The following SCG3 variants were observed in gnomAD, a reference collection of about 807,000 sequenced individuals.
The protein encoded by SCG3 is secretogranin III, also known as secretogranin-3.
In SCG3, 38 loss-of-function variants were observed where a neutral mutation model predicts 56.2. The ratio of observed to expected loss-of-function variants is 0.68; its 90% CI spans 0.52 to 0.89. The LOEUF is 0.89. SCG3 is among the 40% of genes least tolerant of loss of function. The pLI is 0.00. For missense variants in SCG3, 524 were observed against 540.7 expected (o/e 0.97, Z 0.31); for synonymous variants, 176 against 184.2 (o/e 0.96, Z 0.36).
At chr15:51,718,199 TAGACAGACAGAC>T (rs3078130) in intron 11 of SCG3, among the ~76,000 whole-genome samples, 218 of 148,998 alleles carry the variant, frequency 1.5e-3, no homozygotes, top group Admixed American at 2.7e-3. Context: ...GATAGATAGA[TAGACAGACAGAC>T]AGACAGACAG....
At chr15:51,699,173 A>C in intron 8 of SCG3, 146 bp from the exon 9 acceptor site, 1 of 641,108 alleles carries the variant, frequency 1.6e-6, no homozygotes, top group Non-Finnish European at 2.7e-6. Context: ...CTTAGAAATA[A>C]AATCCAGGTC....
chr15:51,682,480 G>A (rs769091338), intron 1 of SCG3, 37 bp from the exon 2 acceptor site: 19 of 1,141,044 alleles, frequency 1.7e-5, no homozygotes, highest in Non-Finnish European at 2.4e-5. Context: ...GTCCTTCAAC[G>A]CACAATTAAA....
In SCG3 at chr15:51,683,326, T is replaced by C. The variant is rs1567215110; in HGVS notation, c.289T>C (p.Ser97Pro). ...GAAAGAAAGACAATCTATAAGAAGC[T>C]CCCCACTTGATAATAAGTTGAATGT... ...IEKERQSIRS[S>P]PLDNKLNVED... The change falls in exon 4 of 12, where the codon TCC becomes CCC. Residue 97 changes from serine (S) to proline (P), a missense_variant. Ser to Pro is a moderately conservative substitution (Grantham distance 74). Coordinates refer to ENST00000220478, the MANE Select transcript of SCG3 (RefSeq NM_013243.4). 15 of 1,613,232 alleles carry C rather than the reference T, an allele frequency of 9.3e-6. No homozygotes were observed. Among genetic ancestry groups the C allele is most frequent in the Non-Finnish European group, 1.3e-5 (15 of 1,179,406 alleles).
At position 51,719,810 on chromosome 15, in the gene SCG3, G is replaced by A; in HGVS notation, c.*284G>A. 2 of 337,876 alleles carry A rather than the reference G, an allele frequency of 5.9e-6. No individual in the cohort carries two copies. The highest frequency in any genetic ancestry group is 1.1e-5 in the Non-Finnish European group (2 of 183,976). 20.9% of individuals were successfully genotyped at this position (337,876 alleles called of 1,614,324 possible). On this transcript the variant is annotated 3_prime_UTR_variant, in exon 12 of 12. Transcript: ENST00000220478. ...ATGTTGCTTTGAAAAAGCCTCTAAT[G>A]GACTGACCTTAAAACTCATCCTTCT...
chr15:51,688,171 C>T, intron 4 of SCG3, 89 bp from the exon 5 acceptor site: 1 of 1,257,490 alleles, frequency 8.0e-7, no homozygotes, highest in African/African-American at 1.5e-5. Flanking sequence ...TCTGAATATA[C>T]AAAAGCGAAG....
chr15:51,686,408 T>G (rs571551845), intron 4 of SCG3, among the ~76,000 whole-genome samples: 3 of 152,294 alleles, frequency 2.0e-5, no homozygotes, highest in African/African-American at 7.2e-5. Context: ...TGTTGTGAAG[T>G]AAATGGACTG....
chr15:51,687,634 A>G (rs2055237760), intron 4 of SCG3, among the ~76,000 whole-genome samples: 1 of 152,230 alleles, frequency 6.6e-6, no homozygotes, highest in East Asian at 1.9e-4. Flanking sequence ...AAACTACAGT[A>G]AGATCCCTGT....
chr15:51,718,178 A>G (rs550721750), intron 11 of SCG3, among the ~76,000 whole-genome samples: 28 of 138,232 alleles, frequency 2.0e-4, no homozygotes, highest in African/African-American at 7.5e-4. Flanking sequence ...TAGATGATGG[A>G]TGGATGGATA....
chr15:51,692,403 T>C, intron 7 of SCG3, 67 bp downstream of exon 7: 11 of 1,400,916 alleles, frequency 7.9e-6, no homozygotes, highest in Non-Finnish European at 9.8e-6. Flanking sequence ...ATGGGTGTGT[T>C]CTTTTCTTCC....
intron 8 of SCG3, among the ~76,000 whole-genome samples, chr15:51,696,891 A>C (rs1006674990): frequency 2.4e-4 from 37 of 152,166 alleles, no homozygotes; most frequent in Non-Finnish European, 1.5e-4. Context: ...ACTGTATTTC[A>C]ACATTAGTGT....
At chr15:51,718,068 T>C (rs148102812) in intron 11 of SCG3, among the ~76,000 whole-genome samples, 1 of 152,248 alleles carries the variant, frequency 6.6e-6, no homozygotes, top group African/African-American at 2.4e-5. Flanking sequence ...TGAGGCCTTC[T>C]TCTGAGGCCC....
In SCG3 at chr15:51,699,304, C is replaced by T; in HGVS notation, c.986-15C>T. 1 of 1,575,986 alleles carries T rather than the reference C, an allele frequency of 6.3e-7. No homozygotes were observed. Among genetic ancestry groups the T allele is most frequent in the East Asian group, 2.2e-5 (1 of 44,512 alleles). ...TCAGGGAATAAAATTAAATTTCTTT[C>T]CTTCCTCCCTCCAGAAAACTTGGAT... On this transcript the variant is annotated splice_polypyrimidine_tract_variant and intron_variant, in intron 8 of 11. Coordinates refer to ENST00000220478, the MANE Select transcript of SCG3 (RefSeq NM_013243.4).
intron 7 of SCG3, chr15:51,693,962 A>T (rs969045641): frequency 6.6e-6 from 1 of 152,174 alleles, no homozygotes; most frequent in Non-Finnish European, 1.5e-5. Context: ...GTGATAGCTG[A>T]AGTTACTATT....
rs144244414 is a variant in SCG3 at position 51,683,539 on chromosome 15, A to G, written c.397+105A>G. 20 of 703,736 alleles carry G rather than the reference A, an allele frequency of 2.8e-5. No individual in the cohort carries two copies. In the African/African-American group the frequency reaches 2.9e-4, roughly 10 times the overall value. 43.6% of individuals were successfully genotyped at this position (703,736 alleles called of 1,614,324 possible). On this transcript the variant is annotated intron_variant, in intron 4 of 11. Transcript: ENST00000220478. ...ATCTTTTAAACATTCATAATCCTTT[A>G]TTAGTCAAGTCCAAAATTGAGATAA...
chr15:51,692,700 T>C (rs569513201), intron 7 of SCG3, among the ~76,000 whole-genome samples: 24 of 152,304 alleles, frequency 1.6e-4, no homozygotes, highest in Admixed American at 3.3e-4. Context: ...TCAACTCTTA[T>C]TGCAACTCTT....
chr15:51,686,273 G>T (rs974597874), intron 4 of SCG3, among the ~76,000 whole-genome samples: 1 of 152,180 alleles, frequency 6.6e-6, no homozygotes, highest in Non-Finnish European at 1.5e-5. Context: ...AGGAGCAATG[G>T]TCACACGTTC....
chr15:51,707,618 G>C (rs938193724), intron 10 of SCG3, among the ~76,000 whole-genome samples: 1 of 152,198 alleles, frequency 6.6e-6, no homozygotes, highest in African/African-American at 2.4e-5. Flanking sequence ...CCCAGAAGAT[G>C]AGCAACTTGC....
chr15:51,695,427 A>G (rs537695610), intron 7 of SCG3, among the ~76,000 whole-genome samples: 1 of 152,196 alleles, frequency 6.6e-6, no homozygotes, highest in Non-Finnish European at 1.5e-5. Flanking sequence ...CTACCCTATT[A>G]GCAAATATTT....
At chr15:51,693,995 C>A (rs1165730935) in intron 7 of SCG3, 1 of 152,240 alleles carries the variant, frequency 6.6e-6, no homozygotes, top group African/African-American at 2.4e-5. Context: ...TCCAAGACCT[C>A]TTCCCCTGAC....
Sources: allele counts gnomAD v4.1 joint callset (sites outside exome capture counted in the v4.1 genomes callset), GRCh38; gene constraint gnomAD v4.1.1; transcripts MANE v1.5; gene names NCBI Gene and HGNC (gene_info 2026-07-23, HGNC 2026-07-21).